ICMT: variants seen among roughly 807,000 people sequenced by gnomAD.
ICMT encodes the protein protein-S-isoprenylcysteine O-methyltransferase.
Under a neutral mutation model 32.2 loss-of-function variants are expected in ICMT, and 10 were observed. The ratio of observed to expected loss-of-function variants is 0.31; its 90% CI spans 0.19 to 0.53. ICMT has a LOEUF of 0.53. Among genes scored for constraint, ICMT ranks in the 20% least tolerant of loss-of-function variants. ICMT has a pLI of 0.96. For synonymous variants in ICMT, 183 were observed against 158.2 expected, an observed-to-expected ratio of 1.16 and a Z score of -1.18; for missense variants, 265 against 356.9, an observed-to-expected ratio of 0.74 and a Z score of 2.07.
At chr1:6,232,181 G>C in intron 3 of ICMT, 62 bp from the exon 4 acceptor site, 1 of 1,217,860 alleles carries the variant, frequency 8.2e-7, no homozygotes, top group Non-Finnish European at 1.2e-6. Flanking sequence ...GCTCCCCTTC[G>C]CACTGCTTAA....
chr1:6,233,700 G>A, intron 2 of ICMT, 57 bp from the exon 3 acceptor site: 1 of 1,462,392 alleles, frequency 6.8e-7, no homozygotes, highest in Non-Finnish European at 9.4e-7. Flanking sequence ...TTAACCATAA[G>A]TGCACATCTG....
intron 4 of ICMT, among the ~76,000 whole-genome samples, chr1:6,231,544 C>CA (rs35257483): frequency 0.18 from 23,467 of 129,630 alleles, 3,180 homozygotes; most frequent in African/African-American, 0.41. Flanking sequence ...CTGTCTCTAC[C>CA]AAAAAAAAAA....
intron 4 of ICMT, among the ~76,000 whole-genome samples, chr1:6,226,353 C>A (rs1668645030): frequency 6.6e-6 from 1 of 152,100 alleles, no homozygotes; most frequent in Non-Finnish European, 1.5e-5. Flanking sequence ...CTGAGATCGC[C>A]ACTGCATACC....
chr1:6,233,909 C>T (rs896341609), intron 2 of ICMT, among the ~76,000 whole-genome samples: 2 of 152,194 alleles, frequency 1.3e-5, no homozygotes, highest in African/African-American at 2.4e-5. Flanking sequence ...AATGCAACTG[C>T]GTGATCTCAG....
At position 6,226,245 on chromosome 1, in the gene ICMT, A is replaced by T. The variant is rs1399957271; in HGVS notation, c.673-983T>A. On this transcript the variant is annotated intron_variant, in intron 4 of 4. Coordinates refer to ENST00000343813, the MANE Select transcript of ICMT (RefSeq NM_012405.4). ...TCCCCGTCTCTACCAAAAATAGAAA[A>T]ATTAGCTGGGCGTAGTGGTGGGAGC... 3.9e-5 allele frequency among the ~76,000 whole-genome samples: 6 copies of T among 152,108 alleles called. No homozygotes were observed. In the East Asian group the frequency reaches 1.2e-3, roughly 29 times the overall value.
At position 6,224,907 on chromosome 1, in the gene ICMT, T is replaced by G. The variant is rs969113223; in HGVS notation, c.*173A>C. On this transcript the variant is annotated 3_prime_UTR_variant, in exon 5 of 5. Transcript: ENST00000343813. ...TCGGCATAAGGACAGACTGCTCCAG[T>G]GGGGCCTTGGGTCCTCAGGCCTTCT... The G allele has an allele frequency of 3.0e-6, 2 of 661,112 alleles. No individual in the cohort carries two copies. Among genetic ancestry groups the G allele is most frequent in the African/African-American group, 3.6e-5 (2 of 55,382 alleles). The allele number at this position is 661,112 out of a possible 1,614,324, so 41.0% of individuals were successfully genotyped here. A position where few individuals can be genotyped will look rare whatever the true frequency, so the allele number is the denominator to read the frequency against.
chr1:6,226,412 C>G (rs1668646080), intron 4 of ICMT, among the ~76,000 whole-genome samples: 1 of 152,050 alleles, frequency 6.6e-6, no homozygotes, highest in Non-Finnish European at 1.5e-5. Context: ...CAAAGAACAT[C>G]CTTCCCACTG....
chr1:6,228,296 T>G (rs1279583477), intron 4 of ICMT, among the ~76,000 whole-genome samples: 1 of 152,054 alleles, frequency 6.6e-6, no homozygotes, highest in Non-Finnish European at 1.5e-5. Context: ...TTTTTAGTTT[T>G]TTCCTCTGGA....
chr1:6,232,884 G>A (rs1162331768), intron 3 of ICMT, among the ~76,000 whole-genome samples: 1 of 144,200 alleles, frequency 6.9e-6, no homozygotes, highest in African/African-American at 2.6e-5. Context: ...TGAGATGGGA[G>A]TCTCGCTCTG....
rs1476538770 is a variant in ICMT at position 6,229,864 on chromosome 1, TTC to T, written c.672+2036_672+2037del. Reference sequence around the variant, plus strand: ...TGGCTCACACCTATAATCCTTACACTTCTTTTTCTTTTTTTCTTTTTGAGACA... The same window carrying T: ...TGGCTCACACCTATAATCCTTACACTTTTTTCTTTTTTTCTTTTTGAGACA... On this transcript the variant is annotated intron_variant, in intron 4 of 4. Transcript: ENST00000343813. Among the ~76,000 whole-genome samples, 4 of 150,900 alleles carry T rather than the reference TTC, an allele frequency of 2.7e-5. 1 individual carries two copies. Among genetic ancestry groups the T allele is most frequent in the East Asian group, 2.0e-4 (1 of 5,114 alleles).
At position 6,224,240 on chromosome 1, in the gene ICMT, G is replaced by A. The variant is rs974142177; in HGVS notation, c.*840C>T. On this transcript the variant is annotated 3_prime_UTR_variant, in exon 5 of 5. Transcript: ENST00000343813. ...TCTCAATGTTTAAGGCCACGCACAG[G>A]GCAGGCATTCAGTAAGCACTTCTTG... 6.6e-6 allele frequency: 1 copy of A among 152,166 alleles called. No homozygotes were observed. Among genetic ancestry groups the A allele is most frequent in the East Asian group, 1.9e-4 (1 of 5,200 alleles). The allele number at this position is 152,166 out of a possible 1,614,324, so 9.4% of individuals were successfully genotyped here.
At chr1:6,230,536 T>C (rs966998544) in intron 4 of ICMT, among the ~76,000 whole-genome samples, 1 of 141,376 alleles carries the variant, frequency 7.1e-6, no homozygotes, top group Non-Finnish European at 1.5e-5. Context: ...CAGTGAGCCA[T>C]GATCAGAACA....
chr1:6,224,990 G>C lies in ICMT; in HGVS notation c.*90C>G. 2 of 1,147,548 alleles carry C rather than the reference G, an allele frequency of 1.7e-6. No individual in the cohort carries two copies. Among genetic ancestry groups the C allele is most frequent in the East Asian group, 2.4e-5 (1 of 42,456 alleles). 71.1% of individuals were successfully genotyped at this position (1,147,548 alleles called of 1,614,324 possible). On this transcript the variant is annotated 3_prime_UTR_variant, in exon 5 of 5. Transcript: ENST00000343813. ...GTGACTAATGACATAAAACGATTAAGAAAATCCATGTGGCAGCGGCCAACC... is the reference window on the plus strand; with the variant it reads ...GTGACTAATGACATAAAACGATTAACAAAATCCATGTGGCAGCGGCCAACC...
At chr1:6,229,136 G>A (rs1187315074) in intron 4 of ICMT, among the ~76,000 whole-genome samples, 5 of 152,086 alleles carry the variant, frequency 3.3e-5, no homozygotes, top group Non-Finnish European at 7.4e-5. Context: ...GCAGGAGTTC[G>A]AGGCCAGCCT....
chr1:6,225,279 C>A lies in ICMT; in HGVS notation c.673-17G>T, dbSNP rs1425863985. The A allele has an allele frequency of 6.2e-7, 1 of 1,609,098 alleles. No homozygotes were observed. The highest frequency in any genetic ancestry group is 8.5e-7 in the Non-Finnish European group (1 of 1,177,820). On this transcript the variant is annotated splice_polypyrimidine_tract_variant and intron_variant, in intron 4 of 4. Coordinates refer to ENST00000343813, the MANE Select transcript of ICMT (RefSeq NM_012405.4). Reference sequence around the variant, plus strand: ...CAGCATCACCTAACAGAGGGAGACACCAGGCTCATCAGGGTGACCGTGGGA... The same window carrying A: ...CAGCATCACCTAACAGAGGGAGACAACAGGCTCATCAGGGTGACCGTGGGA...
Position 6,224,967 on chromosome 1 carries a change from G to T in ICMT, c.*113C>A. ...GTCTTGAGTGACATTCCAGAAGAGT[G>T]ACTAATGACATAAAACGATTAAGAA... is the stretch of plus-strand genomic sequence containing the variant. On this transcript the variant is annotated 3_prime_UTR_variant, in exon 5 of 5. Transcript: ENST00000343813. 1 of 969,454 alleles carries T rather than the reference G, an allele frequency of 1.0e-6. No homozygotes were observed. The highest frequency in any genetic ancestry group is 1.6e-5 in the South Asian group (1 of 63,630). The allele number at this position is 969,454 out of a possible 1,614,324, so 60.1% of individuals were successfully genotyped here. A position where few individuals can be genotyped will look rare whatever the true frequency, so the allele number is the denominator to read the frequency against.
chr1:6,231,173 A>G (rs1050918269), intron 4 of ICMT, among the ~76,000 whole-genome samples: 1 of 151,114 alleles, frequency 6.6e-6, no homozygotes, highest in Non-Finnish European at 1.5e-5. Flanking sequence ...TAGGTCTCAA[A>G]AAAAAAAAAG....
intron 4 of ICMT, among the ~76,000 whole-genome samples, chr1:6,230,439 C>T (rs887754731): frequency 2.0e-5 from 3 of 152,010 alleles, no homozygotes; most frequent in South Asian, 2.1e-4. Context: ...AAAAATTAGC[C>T]GGACGTGGTG....
At chr1:6,228,299 C>T (rs1376705102) in intron 4 of ICMT, among the ~76,000 whole-genome samples, 1 of 151,476 alleles carries the variant, frequency 6.6e-6, no homozygotes, top group African/African-American at 2.4e-5. Context: ...TTAGTTTTTT[C>T]CTCTGGAGAG....
Sources: allele counts gnomAD v4.1 joint callset (sites outside exome capture counted in the v4.1 genomes callset), GRCh38; gene constraint gnomAD v4.1.1; transcripts MANE v1.5; gene names NCBI Gene and HGNC (gene_info 2026-07-23, HGNC 2026-07-21).